TTC29: variants seen among roughly 807,000 people sequenced by gnomAD.
TTC29 encodes the protein tetratricopeptide repeat protein 29.
In TTC29, 49 loss-of-function variants were observed where a neutral mutation model predicts 58.1. The ratio of observed to expected loss-of-function variants is 0.84; its 90% CI spans 0.67 to 1.07. The LOEUF is 1.07. Among genes scored for constraint, TTC29 ranks in the 50% least tolerant of loss-of-function variants. The probability of loss-of-function intolerance (pLI) is 0.00; values close to 1 mark genes in which losing one functional copy is unlikely to be tolerated. For synonymous variants in TTC29, 209 were observed against 196.8 expected, an observed-to-expected ratio of 1.06 and a Z score of -0.52; for missense variants, 582 against 555.6, an observed-to-expected ratio of 1.05 and a Z score of -0.48.
chr4:146,743,185 G>T (rs1745290626), intron 11 of TTC29, among the ~76,000 whole-genome samples: 1 of 151,956 alleles, frequency 6.6e-6, no homozygotes, highest in Non-Finnish European at 1.5e-5. Context: ...AAGAAACCTT[G>T]AAAAATATTT....
At chr4:146,856,785 GA>G (rs1056865484) in intron 8 of TTC29, among the ~76,000 whole-genome samples, 17 of 150,906 alleles carry the variant, frequency 1.1e-4, no homozygotes, top group African/African-American at 3.1e-4. Flanking sequence ...ATGAGGAAAT[GA>G]AAAAAAATTC....
intron 6 of TTC29, among the ~76,000 whole-genome samples, chr4:146,880,142 T>C (rs1262344205): frequency 6.6e-6 from 1 of 152,128 alleles, no homozygotes; most frequent in African/African-American, 2.4e-5. Flanking sequence ...CCTCCACAAA[T>C]ACCCTTAGTA....
At chr4:146,728,658 C>A (rs74434683) in intron 11 of TTC29, among the ~76,000 whole-genome samples, 4,353 of 147,682 alleles carry the variant, frequency 0.029, 80 homozygotes, top group East Asian at 0.062. Context: ...CTCTCTCTCT[C>A]TCTATATATA....
At chr4:146,820,539 A>C (rs528179524) in intron 9 of TTC29, among the ~76,000 whole-genome samples, 11 of 152,212 alleles carry the variant, frequency 7.2e-5, no homozygotes, top group Non-Finnish European at 1.6e-4. Context: ...GAGTTACCAT[A>C]TGACCCAGAA....
At chr4:146,819,756 G>C (rs1751690040) in intron 10 of TTC29, among the ~76,000 whole-genome samples, 2 of 152,326 alleles carry the variant, frequency 1.3e-5, no homozygotes, top group Non-Finnish European at 2.9e-5. Flanking sequence ...TGGAGCGAGA[G>C]AGATGAATGT....
intron 6 of TTC29, among the ~76,000 whole-genome samples, chr4:146,876,072 C>A (rs1445189291): frequency 6.6e-6 from 1 of 152,188 alleles, no homozygotes; most frequent in Non-Finnish European, 1.5e-5. Flanking sequence ...GAGCAGACAG[C>A]CTGTTCCTAG....
chr4:146,872,064 GC>G (rs1292379115), intron 7 of TTC29, among the ~76,000 whole-genome samples: 1 of 152,000 alleles, frequency 6.6e-6, no homozygotes, highest in Non-Finnish European at 1.5e-5. Context: ...AGAGATCAAG[GC>G]AATAGAATTG....
chr4:146,756,767 C>A (rs1206920837), intron 11 of TTC29, among the ~76,000 whole-genome samples: 2 of 150,896 alleles, frequency 1.3e-5, no homozygotes, highest in East Asian at 3.9e-4. Context: ...TGGGCTAATT[C>A]AAATATCTTG....
At chr4:146,729,754 G>T (rs943192479) in intron 11 of TTC29, among the ~76,000 whole-genome samples, 1 of 152,022 alleles carries the variant, frequency 6.6e-6, no homozygotes, top group African/African-American at 2.4e-5. Context: ...GTCTTATATG[G>T]CGGCAGGCAA....
intron 11 of TTC29, among the ~76,000 whole-genome samples, chr4:146,758,562 T>C (rs1032065282): frequency 2.0e-5 from 3 of 152,074 alleles, no homozygotes; most frequent in African/African-American, 7.2e-5. Context: ...CGCATGGAAC[T>C]TTCTCCAAGA....
chr4:146,771,550 G>T (rs1357245682), intron 11 of TTC29, among the ~76,000 whole-genome samples: 1 of 152,024 alleles, frequency 6.6e-6, no homozygotes, highest in Non-Finnish European at 1.5e-5. Context: ...TTAGGATAAT[G>T]GCCTCCAGCT....
chr4:146,912,261 C>G (rs890788238), intron 4 of TTC29, among the ~76,000 whole-genome samples: 4 of 152,184 alleles, frequency 2.6e-5, no homozygotes, highest in Non-Finnish European at 5.9e-5. Context: ...AATGTTGTTA[C>G]CCCAGGGGGT....
intron 8 of TTC29, among the ~76,000 whole-genome samples, chr4:146,857,066 T>G (rs1729904862): frequency 8.1e-6 from 1 of 123,272 alleles, no homozygotes; most frequent in South Asian, 2.6e-4. Flanking sequence ...ATTTTTATAC[T>G]ATGCCTTAAG....
chr4:146,922,389 G>T (rs901382791), intron 4 of TTC29, among the ~76,000 whole-genome samples: 2 of 151,600 alleles, frequency 1.3e-5, no homozygotes, highest in African/African-American at 4.8e-5. Context: ...GAAAGAACTG[G>T]TTATGTGAAA....
At chr4:146,872,666 C>T (rs1249599122) in intron 7 of TTC29, among the ~76,000 whole-genome samples, 1 of 151,706 alleles carries the variant, frequency 6.6e-6, no homozygotes, top group African/African-American at 2.4e-5. Flanking sequence ...CAGGGAAATG[C>T]AAATAAAATC....
At chr4:146,734,088 C>A (rs1429542039) in intron 11 of TTC29, among the ~76,000 whole-genome samples, 1 of 152,132 alleles carries the variant, frequency 6.6e-6, no homozygotes, top group Admixed American at 6.6e-5. Flanking sequence ...TAGTGTCTCT[C>A]TACATCAAAT....
chr4:146,924,396 T>C (rs1454297846), intron 4 of TTC29, among the ~76,000 whole-genome samples: 1 of 151,882 alleles, frequency 6.6e-6, no homozygotes, highest in South Asian at 2.1e-4. Flanking sequence ...GGAATTTTCT[T>C]TGTAGGAAGT....
chr4:146,748,135 C>T lies in TTC29; in HGVS notation c.1331-40584G>A, dbSNP rs530629662. Among the ~76,000 whole-genome samples the T allele has an allele frequency of 2.6e-5, 4 of 152,306 alleles. No homozygotes were observed. The East Asian group carries it at 7.7e-4, about 29-fold the overall frequency. ...AGCTGCCAGAGTGCCCTGTTGCTTC[C>T]AGACTCCAAATGGCAGCTGTGCCTT... On this transcript the variant is annotated intron_variant, in intron 11 of 12. Coordinates refer to ENST00000325106, the MANE Select transcript of TTC29 (RefSeq NM_031956.4).
intron 6 of TTC29, among the ~76,000 whole-genome samples, chr4:146,884,909 T>TA (rs1731877331): frequency 6.6e-6 from 1 of 152,088 alleles, no homozygotes; most frequent in South Asian, 2.1e-4. Flanking sequence ...GCTTTATTGT[T>TA]AAAAATTTTT....
Sources: allele counts gnomAD v4.1 joint callset (sites outside exome capture counted in the v4.1 genomes callset), GRCh38; gene constraint gnomAD v4.1.1; transcripts MANE v1.5; gene names NCBI Gene and HGNC (gene_info 2026-07-23, HGNC 2026-07-21).